The following FRYL variants were observed in gnomAD, a reference collection of about 807,000 sequenced individuals.
FRYL encodes the protein protein furry homolog-like.
In FRYL, 150 loss-of-function variants were observed where a neutral mutation model predicts 351.2. The ratio of observed to expected loss-of-function variants is 0.43; its 90% CI spans 0.37 to 0.49. FRYL has a LOEUF of 0.49. Ranked by LOEUF, FRYL falls within the 20% of genes least tolerant of loss-of-function variation. FRYL has a pLI of 0.00. For synonymous variants in FRYL, 1,153 were observed against 1,257.1 expected, an observed-to-expected ratio of 0.92 and a Z score of 1.75; for missense variants, 3,036 against 3,619.3, an observed-to-expected ratio of 0.84 and a Z score of 4.13.
At chr4:48,637,242 T>C (rs1251569600) in intron 3 of FRYL, 2 of 151,982 alleles carry the variant, frequency 1.3e-5, no homozygotes, top group Non-Finnish European at 2.9e-5. Flanking sequence ...TAAACACAAA[T>C]AAAAATCAGG....
At chr4:48,578,600 C>A (rs912616351) in intron 23 of FRYL, among the ~76,000 whole-genome samples, 2 of 152,148 alleles carry the variant, frequency 1.3e-5, no homozygotes, top group Admixed American at 1.3e-4. Flanking sequence ...AAAAGTAAGG[C>A]CACTGAGCTG....
In FRYL at chr4:48,716,854, A is replaced by G. The variant is rs568994468; in HGVS notation, c.-383-6156T>C. ...TTATTGTGGCACTATTCACAATAGCAAAGACTTGGAACCAACCCAAATGTC... is the reference window on the plus strand; with the variant it reads ...TTATTGTGGCACTATTCACAATAGCGAAGACTTGGAACCAACCCAAATGTC... On this transcript the variant is annotated intron_variant, in intron 1 of 63. Coordinates refer to ENST00000358350, the MANE Select transcript of FRYL (RefSeq NM_015030.2). 4.0e-4 allele frequency among the ~76,000 whole-genome samples: 60 copies of G among 151,520 alleles called. 2 individuals are homozygous for G. In the South Asian group the frequency reaches 0.011, roughly 27 times the overall value.
intron 45 of FRYL, among the ~76,000 whole-genome samples, chr4:48,541,439 TATAGA>T (rs1423340771): frequency 1.3e-5 from 2 of 152,152 alleles, no homozygotes; most frequent in Non-Finnish European, 2.9e-5. Context: ...TTGCCAGCTG[TATAGA>T]AAAGGAAGGA....
chr4:48,528,644 A>T (rs1726820539), intron 50 of FRYL, among the ~76,000 whole-genome samples: 1 of 152,208 alleles, frequency 6.6e-6, no homozygotes, highest in South Asian at 2.1e-4. Context: ...ATTATAAAAT[A>T]TACCCAAAAC....
chr4:48,620,607 C>T (rs780646446), intron 6 of FRYL, 32 bp downstream of exon 6: 11 of 1,571,162 alleles, frequency 7.0e-6, no homozygotes, highest in Non-Finnish European at 9.6e-6. Flanking sequence ...TGTGTTAATT[C>T]CAGGTGAAAC....
At chr4:48,628,431 C>T (rs201904579) in intron 4 of FRYL, among the ~76,000 whole-genome samples, 6 of 144,750 alleles carry the variant, frequency 4.1e-5, no homozygotes, top group South Asian at 4.5e-4. Flanking sequence ...CCTTCATTTG[C>T]GTGTGTGTGT....
At chr4:48,568,987 T>A (rs1439882695) in intron 27 of FRYL, among the ~76,000 whole-genome samples, 1 of 152,196 alleles carries the variant, frequency 6.6e-6, no homozygotes, top group Admixed American at 6.5e-5. Flanking sequence ...AATTTAAAAA[T>A]CCAGAATAGC....
chr4:48,649,725 A>G (rs1247630600), intron 3 of FRYL, among the ~76,000 whole-genome samples: 1 of 152,224 alleles, frequency 6.6e-6, no homozygotes, highest in Non-Finnish European at 1.5e-5. Flanking sequence ...ATGTCACTTC[A>G]TTGTTGTTAC....
intron 1 of FRYL, among the ~76,000 whole-genome samples, chr4:48,779,510 TCCGCCGGTCCCCGCCAGCCCTGC>T (rs1229447860): frequency 6.0e-4 from 91 of 151,668 alleles, no homozygotes; most frequent in Admixed American, 1.5e-3. Context: ...GCTGGCGCGC[TCCGCCGGTCCCCGCCAGCCCTGC>T]CCGCCGGGGC....
intron 2 of FRYL, among the ~76,000 whole-genome samples, chr4:48,685,586 T>C (rs1348646453): frequency 6.6e-6 from 1 of 152,230 alleles, no homozygotes; most frequent in African/African-American, 2.4e-5. Flanking sequence ...TGCATATTTT[T>C]CAGAGTCTAC....
intron 3 of FRYL, among the ~76,000 whole-genome samples, chr4:48,635,401 C>A (rs945393489): frequency 2.6e-5 from 4 of 152,114 alleles, no homozygotes; most frequent in African/African-American, 9.7e-5. Flanking sequence ...GGAAAAAAAG[C>A]AAAGTATTTG....
At chr4:48,509,217 A>G (rs979098660) in intron 59 of FRYL, among the ~76,000 whole-genome samples, 1 of 152,210 alleles carries the variant, frequency 6.6e-6, no homozygotes, top group African/African-American at 2.4e-5. Context: ...ACATACATCC[A>G]AAAAAGGGCT....
chr4:48,573,358 T>C lies in FRYL; in HGVS notation c.2847-115A>G, dbSNP rs1023877979. 11 of 658,494 alleles carry C rather than the reference T, an allele frequency of 1.7e-5. No homozygotes were observed. The African/African-American group carries it at 1.8e-4, about 11-fold the overall frequency. The allele number at this position is 658,494 out of a possible 1,614,324, so 40.8% of individuals were successfully genotyped here. On this transcript the variant is annotated intron_variant, in intron 25 of 63. Coordinates refer to ENST00000358350, the MANE Select transcript of FRYL (RefSeq NM_015030.2). ...AGTGTTAATTCCAATCCTACTGTTTTAAACACAATGTCTATTTTTTTATTT... is the reference window on the plus strand; with the variant it reads ...AGTGTTAATTCCAATCCTACTGTTTCAAACACAATGTCTATTTTTTTATTT...
At chr4:48,570,132 A>G (rs1233279837) in intron 27 of FRYL, among the ~76,000 whole-genome samples, 3 of 151,952 alleles carry the variant, frequency 2.0e-5, no homozygotes, top group Admixed American at 6.5e-5. Flanking sequence ...TTTCCTTAAG[A>G]TATCTTTTCA....
chr4:48,508,000 A>AACTC (rs1040842699), intron 59 of FRYL, among the ~76,000 whole-genome samples: 2 of 152,208 alleles, frequency 1.3e-5, no homozygotes, highest in Non-Finnish European at 2.9e-5. Context: ...AAGAATGTAT[A>AACTC]ACTCAAAAAT....
chr4:48,756,232 CAAAAA>C (rs1228377900), intron 1 of FRYL, among the ~76,000 whole-genome samples: 1 of 97,040 alleles, frequency 1.0e-5, no homozygotes, highest in Non-Finnish European at 2.2e-5. Context: ...GACTTTGTCT[CAAAAA>C]AAAAAAAAAA....
At chr4:48,541,903 G>A in intron 45 of FRYL, 124 bp downstream of exon 45, 1 of 680,104 alleles carries the variant, frequency 1.5e-6, no homozygotes. Context: ...TCTCCCCACT[G>A]GTAATCCATC....
chr4:48,550,414 A>C, intron 38 of FRYL, 178 bp downstream of exon 38: 1 of 551,940 alleles, frequency 1.8e-6, no homozygotes, highest in South Asian at 2.8e-5. Context: ...AAAAAATTTC[A>C]CCCAATTACG....
chr4:48,771,593 A>C (rs529666323), intron 1 of FRYL, among the ~76,000 whole-genome samples: 3 of 152,210 alleles, frequency 2.0e-5, no homozygotes, highest in Non-Finnish European at 4.4e-5. Flanking sequence ...GAGGAAGTTA[A>C]ACATCCACAG....
Sources: allele counts gnomAD v4.1 joint callset (sites outside exome capture counted in the v4.1 genomes callset), GRCh38; gene constraint gnomAD v4.1.1; transcripts MANE v1.5; gene names NCBI Gene and HGNC (gene_info 2026-07-23, HGNC 2026-07-21).